Variants in RSRC1 observed in about 807,000 individuals in gnomAD.
RSRC1 encodes the protein serine/Arginine-related protein 53.
In RSRC1, 39 loss-of-function variants were observed where a neutral mutation model predicts 49.1. The ratio of observed to expected loss-of-function variants is 0.79; its 90% CI spans 0.61 to 1.04. The LOEUF (loss-of-function observed/expected upper bound fraction) is 1.04, where lower values mean the gene tolerates loss of function less well. Ranked by LOEUF, RSRC1 falls within the 50% of genes least tolerant of loss-of-function variation. The probability of loss-of-function intolerance (pLI) is 0.00; values close to 1 mark genes in which losing one functional copy is unlikely to be tolerated. For missense variants in RSRC1, 388 were observed against 402.4 expected, an observed-to-expected ratio of 0.96 and a Z score of 0.31; for synonymous variants, 143 against 130.8, an observed-to-expected ratio of 1.09 and a Z score of -0.63.
At chr3:158,161,268 G>A (rs1023440614) in intron 3 of RSRC1, among the ~76,000 whole-genome samples, 1 of 152,132 alleles carries the variant, frequency 6.6e-6, no homozygotes, top group African/African-American at 2.4e-5. Flanking sequence ...TGGGTGTTGA[G>A]ATCAGCTCTG....
chr3:158,477,943 A>G (rs1354938280), intron 7 of RSRC1, among the ~76,000 whole-genome samples: 1 of 150,800 alleles, frequency 6.6e-6, no homozygotes, highest in East Asian at 1.9e-4. Flanking sequence ...TTGCACATCT[A>G]TATTCTTAAA....
chr3:158,498,702 G>C (rs1477069598), intron 7 of RSRC1, among the ~76,000 whole-genome samples: 1 of 152,086 alleles, frequency 6.6e-6, no homozygotes, highest in Non-Finnish European at 1.5e-5. Flanking sequence ...TATAGTTTCA[G>C]GTCTTAGATT....
rs201498215 is a variant in RSRC1 at position 158,543,336 on chromosome 3, C to T, written c.761C>T (p.Ser254Leu). 5 of 1,552,132 alleles carry T rather than the reference C, an allele frequency of 3.2e-6. No individual in the cohort carries two copies. In the Admixed American group the frequency reaches 8.4e-5, roughly 26 times the overall value. The change falls in exon 9 of 10, where the codon TCA becomes TTA. Residue 254 changes from serine to leucine, a missense_variant and splice_region_variant. Coordinates refer to ENST00000611884, the MANE Select transcript of RSRC1 (RefSeq NM_001271838.2). The part of the protein sequence containing the change: ...TFRSSKEVKK[S>L]VEPSEVKQAT... ...ATTAATATGTGTTGTTTCTTTCAGT[C>T]AGTGGAACCTAGTGAAGTGAAACAA...
chr3:158,348,993 A>G (rs543738810), intron 5 of RSRC1, among the ~76,000 whole-genome samples: 1 of 152,134 alleles, frequency 6.6e-6, no homozygotes, highest in Non-Finnish European at 1.5e-5. Flanking sequence ...CCAATCAACT[A>G]TAAGTGGACA....
At chr3:158,338,814 T>C (rs1273063804) in intron 5 of RSRC1, among the ~76,000 whole-genome samples, 1 of 152,214 alleles carries the variant, frequency 6.6e-6, no homozygotes, top group Non-Finnish European at 1.5e-5. Context: ...TGAATTAAAA[T>C]TCAAGCTCTG....
At chr3:158,465,642 T>C (rs1032395624) in intron 7 of RSRC1, among the ~76,000 whole-genome samples, 3 of 152,216 alleles carry the variant, frequency 2.0e-5, no homozygotes, top group Non-Finnish European at 2.9e-5. Flanking sequence ...CATTGTAATA[T>C]GCAATATTAT....
intron 7 of RSRC1, among the ~76,000 whole-genome samples, chr3:158,476,974 C>A (rs369036273): frequency 5.9e-5 from 9 of 152,206 alleles, no homozygotes; most frequent in African/African-American, 2.2e-4. Flanking sequence ...TGCCTCCAAC[C>A]CTCATGGATA....
At chr3:158,399,597 T>C (rs1733796832) in intron 6 of RSRC1, among the ~76,000 whole-genome samples, 1 of 152,184 alleles carries the variant, frequency 6.6e-6, no homozygotes, top group South Asian at 2.1e-4. Flanking sequence ...TACAGTAATA[T>C]GAAATTAGAA....
chr3:158,362,458 T>G (rs961646930), intron 6 of RSRC1, among the ~76,000 whole-genome samples: 6 of 152,230 alleles, frequency 3.9e-5, no homozygotes, highest in African/African-American at 1.2e-4. Context: ...AGTAAGTCAT[T>G]GTAGAGAAAC....
rs1286026979 is a variant in RSRC1 at position 158,481,383 on chromosome 3, A to C, written c.652+20380A>C. Among the ~76,000 whole-genome samples, 3 of 152,004 alleles carry C rather than the reference A, an allele frequency of 2.0e-5. 1 individual carries two copies. The highest frequency in any genetic ancestry group is 7.2e-5 in the African/African-American group (3 of 41,404). On this transcript the variant is annotated intron_variant, in intron 7 of 9. Coordinates refer to ENST00000611884, the MANE Select transcript of RSRC1 (RefSeq NM_001271838.2). Reference sequence around the variant, plus strand: ...AGGCAATCACTGAATAAACTTTGTGATTTTTTTAGTGTTCTCTTATCTGAA... The same window carrying C: ...AGGCAATCACTGAATAAACTTTGTGCTTTTTTTAGTGTTCTCTTATCTGAA...
intron 3 of RSRC1, among the ~76,000 whole-genome samples, chr3:158,198,566 T>C (rs536408676): frequency 2.0e-5 from 3 of 152,298 alleles, no homozygotes; most frequent in East Asian, 3.9e-4. Context: ...CGTTAGTTGA[T>C]GCATTTTCTT....
Position 158,301,573 on chromosome 3 carries a change from C to T in RSRC1, c.531+3498C>T, listed in dbSNP as rs139069348. On this transcript the variant is annotated intron_variant, in intron 5 of 9. Coordinates refer to ENST00000611884, the MANE Select transcript of RSRC1 (RefSeq NM_001271838.2). ...AAGTGAGAACTCTGACTCCTAATAA[C>T]ACCAATACTGTTACTCATTTGTTCA... 2.0e-5 allele frequency among the ~76,000 whole-genome samples: 3 copies of T among 152,246 alleles called. No homozygotes were observed. In the East Asian group the frequency reaches 5.8e-4, roughly 29 times the overall value.
chr3:158,296,353 C>A (rs1015967684), intron 4 of RSRC1, among the ~76,000 whole-genome samples: 24 of 151,782 alleles, frequency 1.6e-4, no homozygotes, highest in African/African-American at 5.8e-4. Context: ...TACACACACA[C>A]GAGTGCATAT....
At chr3:158,141,147 G>A (rs146390135) in intron 3 of RSRC1, among the ~76,000 whole-genome samples, 2 of 152,210 alleles carry the variant, frequency 1.3e-5, no homozygotes, top group African/African-American at 4.8e-5. Context: ...CAGATGAGGT[G>A]TGAATGAATT....
chr3:158,149,642 C>G (rs1717397966), intron 3 of RSRC1, among the ~76,000 whole-genome samples: 1 of 152,090 alleles, frequency 6.6e-6, no homozygotes, highest in Non-Finnish European at 1.5e-5. Flanking sequence ...GGTATAGGTT[C>G]AACATAGTGA....
intron 5 of RSRC1, among the ~76,000 whole-genome samples, chr3:158,342,528 A>G (rs776508437): frequency 1.3e-5 from 2 of 152,320 alleles, no homozygotes; most frequent in South Asian, 2.1e-4. Context: ...ATGTGGAACC[A>G]TAAATCCAAT....
At chr3:158,417,157 G>A (rs1734783603) in intron 6 of RSRC1, among the ~76,000 whole-genome samples, 2 of 151,858 alleles carry the variant, frequency 1.3e-5, no homozygotes, top group African/African-American at 2.4e-5. Flanking sequence ...TTTTCCTGCC[G>A]AGCAGATGTA....
chr3:158,182,459 G>A (rs904996180), intron 3 of RSRC1, among the ~76,000 whole-genome samples: 12 of 152,086 alleles, frequency 7.9e-5, no homozygotes, highest in African/African-American at 2.9e-4. Flanking sequence ...CACTGGACTG[G>A]TAGAACTTTC....
intron 7 of RSRC1, among the ~76,000 whole-genome samples, chr3:158,520,420 ATTAT>A: frequency 6.6e-6 from 1 of 152,232 alleles, no homozygotes; most frequent in Non-Finnish European, 1.5e-5. Context: ...GCAGTCAGAG[ATTAT>A]TTAAGGTAGT....
Sources: allele counts gnomAD v4.1 joint callset (sites outside exome capture counted in the v4.1 genomes callset), GRCh38; gene constraint gnomAD v4.1.1; transcripts MANE v1.5; gene names NCBI Gene and HGNC (gene_info 2026-07-23, HGNC 2026-07-21).